MAST2: variants seen among roughly 807,000 people sequenced by gnomAD.
MAST2 encodes microtubule associated serine/threonine kinase 2.
In MAST2, 70 loss-of-function variants were observed where a neutral mutation model predicts 147.4. The ratio of observed to expected loss-of-function variants is 0.47; its 90% CI spans 0.39 to 0.58. MAST2 has a LOEUF of 0.58. MAST2 is among the 20% of genes least tolerant of loss of function. MAST2 has a pLI of 0.00. For missense variants in MAST2, 2,080 were observed against 2,302.3 expected (o/e 0.90, Z 1.98); for synonymous variants, 869 against 896.8 (o/e 0.97, Z 0.55).
chr1:45,907,076 A>T (rs1650882654), intron 4 of MAST2, among the ~76,000 whole-genome samples: 1 of 152,182 alleles, frequency 6.6e-6, no homozygotes, highest in Non-Finnish European at 1.5e-5. Context: ...ATCTAGGTTT[A>T]TGCAGGTATA....
At chr1:45,819,052 G>A (rs1295187203) in intron 1 of MAST2, among the ~76,000 whole-genome samples, 3 of 151,968 alleles carry the variant, frequency 2.0e-5, no homozygotes, top group East Asian at 3.9e-4. Flanking sequence ...TCAGGAGTTC[G>A]AGACCAGCCT....
At chr1:45,946,565 G>A (rs559725018) in intron 4 of MAST2, among the ~76,000 whole-genome samples, 2 of 152,228 alleles carry the variant, frequency 1.3e-5, no homozygotes, top group Admixed American at 6.5e-5. Flanking sequence ...TTCCCTGTAA[G>A]TTGTAACTGT....
At position 45,876,708 on chromosome 1, in the gene MAST2, C is replaced by T. The variant is rs146327922; in HGVS notation, c.469-5656C>T. Among the ~76,000 whole-genome samples, 659 of 152,216 alleles carry T rather than the reference C, an allele frequency of 4.3e-3. 1 individual carries two copies. Among genetic ancestry groups the T allele is most frequent in the African/African-American group, 0.015 (631 of 41,516 alleles). On this transcript the variant is annotated intron_variant, in intron 3 of 28. Coordinates refer to ENST00000361297, the MANE Select transcript of MAST2 (RefSeq NM_015112.3). The stretch of plus-strand genomic sequence containing the variant: ...CTTGGACTACCTTTATGTGGTTGGG[C>T]CCTTCTTGTTCCACTGTGCCTTAGT...
chr1:45,848,621 C>T (rs1357910408), intron 3 of MAST2, among the ~76,000 whole-genome samples: 2 of 152,180 alleles, frequency 1.3e-5, no homozygotes, highest in Non-Finnish European at 2.9e-5. Flanking sequence ...TGATTATATG[C>T]AGGGTCCTGT....
At chr1:45,873,769 A>G (rs1646492206) in intron 3 of MAST2, among the ~76,000 whole-genome samples, 1 of 152,146 alleles carries the variant, frequency 6.6e-6, no homozygotes, top group South Asian at 2.1e-4. Flanking sequence ...TGTTCATCAA[A>G]CTCAAATGAG....
At chr1:45,893,416 G>T (rs1648185703) in intron 4 of MAST2, among the ~76,000 whole-genome samples, 1 of 150,974 alleles carries the variant, frequency 6.6e-6, no homozygotes, top group Non-Finnish European at 1.5e-5. Context: ...TTTTGCAGGG[G>T]GCGGGGTAGA....
At chr1:45,904,033 C>T (rs1557887307) in intron 4 of MAST2, among the ~76,000 whole-genome samples, 4 of 152,168 alleles carry the variant, frequency 2.6e-5, no homozygotes, top group Admixed American at 2.6e-4. Flanking sequence ...GACACAGGGT[C>T]TCAGTTGGCT....
At chr1:45,905,695 G>A (rs1486453505) in intron 4 of MAST2, among the ~76,000 whole-genome samples, 1 of 151,626 alleles carries the variant, frequency 6.6e-6, no homozygotes, top group East Asian at 1.9e-4. Flanking sequence ...AGAATGGCGT[G>A]AACCCAGGAG....
chr1:45,949,184 A>G (rs983581739), intron 4 of MAST2, among the ~76,000 whole-genome samples: 1 of 152,190 alleles, frequency 6.6e-6, no homozygotes, highest in African/African-American at 2.4e-5. Context: ...TTTCATGACA[A>G]AGACACCAAA....
chr1:45,909,668 C>T (rs1045904349), intron 4 of MAST2, among the ~76,000 whole-genome samples: 2 of 152,094 alleles, frequency 1.3e-5, no homozygotes, highest in Middle Eastern at 6.8e-3. Flanking sequence ...CAGGCATGCG[C>T]CCCCACGCCC....
chr1:45,826,638 C>T (rs1049768339), intron 2 of MAST2, among the ~76,000 whole-genome samples: 5 of 152,046 alleles, frequency 3.3e-5, no homozygotes, highest in East Asian at 1.9e-4. Context: ...ACCTGAGCAA[C>T]CAGGCCAGGC....
At chr1:45,909,383 C>T (rs967743670) in intron 4 of MAST2, among the ~76,000 whole-genome samples, 4 of 152,082 alleles carry the variant, frequency 2.6e-5, no homozygotes, top group Non-Finnish European at 4.4e-5. Context: ...ATATCATTTA[C>T]GTTAAACCTA....
intron 4 of MAST2, among the ~76,000 whole-genome samples, chr1:45,921,264 G>T (rs1298327479): frequency 1.3e-5 from 2 of 152,164 alleles, no homozygotes; most frequent in African/African-American, 2.4e-5. Flanking sequence ...AAAGTGCTGG[G>T]ATTACAGGTG....
intron 5 of MAST2, among the ~76,000 whole-genome samples, chr1:45,987,776 G>GTTTTTTTTTTTTTTTTTTTTTT (rs1644692974): frequency 8.5e-4 from 26 of 30,692 alleles, no homozygotes; most frequent in South Asian, 1.3e-3. Flanking sequence ...TTTTTTTTTT[G>GTTTTTTTTTTTTTTTTTTTTTT]ATTTTTTTTT....
At chr1:45,865,663 T>G (rs1232005866) in intron 3 of MAST2, among the ~76,000 whole-genome samples, 1 of 152,208 alleles carries the variant, frequency 6.6e-6, no homozygotes, top group African/African-American at 2.4e-5. Flanking sequence ...CTACCATCTT[T>G]TCCTTCTTAA....
chr1:45,908,409 A>G (rs184410697), intron 4 of MAST2, among the ~76,000 whole-genome samples: 13 of 152,274 alleles, frequency 8.5e-5, no homozygotes, highest in Admixed American at 7.2e-4. Flanking sequence ...CTTTTTTGAT[A>G]TAAGCATTTA....
chr1:46,028,309 G>A (rs1646500671), intron 17 of MAST2, among the ~76,000 whole-genome samples: 1 of 152,194 alleles, frequency 6.6e-6, no homozygotes, highest in Admixed American at 6.5e-5. Context: ...CAAGGGCAAG[G>A]CTCTCCTGGA....
chr1:46,022,826 C>A, intron 12 of MAST2, 84 bp from the exon 13 acceptor site: 1 of 988,562 alleles, frequency 1.0e-6, no homozygotes, highest in Non-Finnish European at 1.6e-6. Context: ...GACTACCCTA[C>A]ATGCACCTGT....
intron 10 of MAST2, among the ~76,000 whole-genome samples, chr1:46,014,873 T>A (rs951018051): frequency 1.3e-5 from 2 of 152,108 alleles, no homozygotes; most frequent in African/African-American, 2.4e-5. Flanking sequence ...AGAATATACA[T>A]TTTTTTCAGC....
Sources: allele counts gnomAD v4.1 joint callset (sites outside exome capture counted in the v4.1 genomes callset), GRCh38; gene constraint gnomAD v4.1.1; transcripts MANE v1.5; gene names NCBI Gene and HGNC (gene_info 2026-07-23, HGNC 2026-07-21).